The following CR2 variants were observed in gnomAD, a reference collection of about 807,000 sequenced individuals.
CR2 encodes complement C3d receptor 2.
In CR2, 96 loss-of-function variants were observed where a neutral mutation model predicts 123.0. The ratio of observed to expected loss-of-function variants is 0.78; its 90% CI spans 0.66 to 0.93. The LOEUF is 0.93. CR2 is among the 40% of genes least tolerant of loss of function. CR2 has a pLI of 0.00. For synonymous variants in CR2, 484 were observed against 469.5 expected (o/e 1.03, Z -0.40); for missense variants, 1,258 against 1,361.0 (o/e 0.92, Z 1.19).
At chr1:207,473,275 G>T in intron 10 of CR2, 96 bp downstream of exon 10, 1 of 1,425,758 alleles carries the variant, frequency 7.0e-7, no homozygotes. Flanking sequence ...AGAGGCAAGA[G>T]GGGCACAGAT....
At chr1:207,458,059 A>AACACACAC (rs59735642) in intron 1 of CR2, among the ~76,000 whole-genome samples, 8,641 of 122,484 alleles carry the variant, frequency 0.071, 385 homozygotes, top group Middle Eastern at 0.12. Context: ...TCAAGGCCAC[A>AACACACAC]ACACACACAC....
chr1:207,473,622 G>A lies in CR2; in HGVS notation c.2056G>A (p.Val686Ile). The A allele has an allele frequency of 1.2e-6, 2 of 1,614,004 alleles. No individual in the cohort carries two copies. Among genetic ancestry groups the A allele is most frequent in the Non-Finnish European group, 8.5e-7 (1 of 1,179,900 alleles). ...NTVFFVSGMTVDYTCDPGYLL... is the reference protein window; with the variant it reads ...NTVFFVSGMTIDYTCDPGYLL... Reference sequence around the variant, plus strand: ...GGTCTTCTTTGTCTCTGGGATGACTGTAGACTACACTTGTGACCCTGGCTA... The same window carrying A: ...GGTCTTCTTTGTCTCTGGGATGACTATAGACTACACTTGTGACCCTGGCTA... The change falls in exon 11 of 20, where the codon GTA (valine) becomes ATA (isoleucine). Residue 686 changes from valine to isoleucine, a missense_variant. Physicochemically the swap from Val to Ile is conservative, Grantham distance 29. Transcript: ENST00000367057.
At position 207,473,877 on chromosome 1, in the gene CR2, C is replaced by T; in HGVS notation, c.2232C>T (p.Cys744=). The part of the protein sequence containing the change: ...GSRVELVNTS[C]QDGYQLTGHA... ...GTGTGGAGCTAGTTAATACGTCCTG[C>T]CAAGATGGGTGAGTATGAAGTGGTC... Residue 744 remains cysteine, a synonymous_variant, in exon 12 of 20, where the codon TGC becomes TGT. Coordinates refer to ENST00000367057, the MANE Select transcript of CR2 (RefSeq NM_001006658.3). The T allele has an allele frequency of 6.2e-7, 1 of 1,613,686 alleles. No homozygotes were observed. The highest frequency in any genetic ancestry group is 8.5e-7 in the Non-Finnish European group (1 of 1,179,754).
Position 207,471,046 on chromosome 1 carries a change from C to T in CR2, c.1452C>T (p.His484=), listed in dbSNP as rs1483606533. 6.2e-7 allele frequency: 1 copy of T among 1,613,736 alleles called. No individual in the cohort carries two copies. Among genetic ancestry groups the T allele is most frequent in the African/African-American group, 1.3e-5 (1 of 75,006 alleles). ...GGCAACTCTTGACAAAACCCCAGCA[C>T]CAATTTGTTAGACCAGATGTCAACT... is the stretch of plus-strand genomic sequence containing the variant. The part of the protein sequence containing the change: ...TGRQLLTKPQ[H]QFVRPDVNSS... Residue 484 remains histidine, a synonymous_variant, in exon 8 of 20, where the codon CAC becomes CAT. Coordinates refer to ENST00000367057, the MANE Select transcript of CR2 (RefSeq NM_001006658.3).
In CR2 at chr1:207,468,663, C is replaced by A; in HGVS notation, c.582C>A (p.Ile194=). The change falls in exon 3 of 20, where the codon ATC becomes ATA. Residue 194 remains isoleucine (I), a synonymous_variant. Transcript: ENST00000367057. The part of the protein sequence containing the change: ...ESGYLLVGEK[I]INCLSSGKWS... ...GTTACTTGCTTGTTGGAGAAAAGAT[C>A]ATTAACTGTTTGTCTTCGGGAAAAT... is the stretch of plus-strand genomic sequence containing the variant. 1.2e-6 allele frequency: 2 copies of A among 1,614,060 alleles called. 1 individual carries two copies.
intron 9 of CR2, chr1:207,472,016 G>A (rs116421473): frequency 0.016 from 3,072 of 186,598 alleles, 92 homozygotes; most frequent in African/African-American, 0.067. Flanking sequence ...TCAGGAGGCT[G>A]AGGGCGGCAG....
At chr1:207,475,342 C>A in intron 14 of CR2, 126 bp downstream of exon 14, 1 of 1,052,104 alleles carries the variant, frequency 9.5e-7, no homozygotes, top group Non-Finnish European at 1.4e-6. Flanking sequence ...TATTGTTTTA[C>A]AAGATATTTG....
chr1:207,478,000 G>C lies in CR2; in HGVS notation c.3018G>C (p.Leu1006=), dbSNP rs760320098. 2 of 1,614,004 alleles carry C rather than the reference G, an allele frequency of 1.2e-6. No homozygotes were observed. Among genetic ancestry groups the C allele is most frequent in the Non-Finnish European group, 1.7e-6 (2 of 1,179,950 alleles). The change falls in exon 16 of 20, where the codon CTG becomes CTC. Residue 1006 remains leucine, a synonymous_variant. Coordinates refer to ENST00000367057, the MANE Select transcript of CR2 (RefSeq NM_001006658.3). ...VTLECEDGYM[L]EGSPQSQCQS... The stretch of plus-strand genomic sequence containing the variant: ...TGGAGTGTGAAGATGGGTATATGCT[G>C]GAAGGCAGTCCCCAGAGCCAGTGCC...
chr1:207,484,773 G>A (rs1268933619), intron 18 of CR2, among the ~76,000 whole-genome samples: 6 of 152,176 alleles, frequency 3.9e-5, no homozygotes, highest in African/African-American at 1.4e-4. Context: ...TGAAATATGT[G>A]TACTTTCAAA....
At chr1:207,487,665 G>A (rs1572969163) in intron 19 of CR2, among the ~76,000 whole-genome samples, 2 of 152,218 alleles carry the variant, frequency 1.3e-5, no homozygotes, top group Non-Finnish European at 2.9e-5. Context: ...AGAAATAGCA[G>A]TTATGCCCTA....
intron 9 of CR2, 124 bp downstream of exon 9, chr1:207,471,623 A>G (rs961398506): frequency 4.9e-5 from 37 of 758,358 alleles, no homozygotes; most frequent in Admixed American, 1.8e-4. Context: ...GATTCTGCCA[A>G]TAGTTATGGT....
chr1:207,462,887 C>G (rs78909802), intron 1 of CR2, among the ~76,000 whole-genome samples: 1 of 152,186 alleles, frequency 6.6e-6, no homozygotes, highest in Non-Finnish European at 1.5e-5. Flanking sequence ...TAAGTTATAA[C>G]TGACCACAAA....
intron 10 of CR2, 128 bp downstream of exon 10, chr1:207,473,307 T>C: frequency 8.4e-7 from 1 of 1,192,330 alleles, no homozygotes; most frequent in South Asian, 1.3e-5. Flanking sequence ...TCTTCCATCC[T>C]ATAATAGATG....
intron 1 of CR2, among the ~76,000 whole-genome samples, chr1:207,463,404 T>C (rs1003371875): frequency 1.3e-5 from 2 of 152,138 alleles, no homozygotes; most frequent in African/African-American, 2.4e-5. Context: ...TGCTTCAAGA[T>C]TACCAGCTAG....
Position 207,472,826 on chromosome 1 carries a change from C to T in CR2, c.1625C>T (p.Ser542Phe). Residue 542 changes from serine to phenylalanine, a missense_variant, in exon 10 of 20, where the codon TCC becomes TTC. Coordinates refer to ENST00000367057, the MANE Select transcript of CR2 (RefSeq NM_001006658.3). Reference sequence around the variant, plus strand: ...TACAATGGGGCACACACCGGGAGTTCCTTAGAAGATTTTCCATATGGAACC... The same window carrying T: ...TACAATGGGGCACACACCGGGAGTTTCTTAGAAGATTTTCCATATGGAACC... ...VIYNGAHTGSSLEDFPYGTTV... is the reference protein window; with the variant it reads ...VIYNGAHTGSFLEDFPYGTTV... 2 of 1,614,006 alleles carry T rather than the reference C, an allele frequency of 1.2e-6. No homozygotes were observed. Among genetic ancestry groups the T allele is most frequent in the Non-Finnish European group, 1.7e-6 (2 of 1,179,940 alleles).
At chr1:207,481,850 G>A (rs1171796375) in intron 18 of CR2, among the ~76,000 whole-genome samples, 1 of 151,830 alleles carries the variant, frequency 6.6e-6, no homozygotes, top group Non-Finnish European at 1.5e-5. Flanking sequence ...TCTTTATACA[G>A]TCATTAATTC....
chr1:207,482,142 T>C (rs1470336810), intron 18 of CR2, among the ~76,000 whole-genome samples: 2 of 152,308 alleles, frequency 1.3e-5, no homozygotes, highest in East Asian at 3.9e-4. Flanking sequence ...ACATAAAGTG[T>C]ATTTATAGTC....
chr1:207,482,960 GA>G (rs34366644), intron 18 of CR2, among the ~76,000 whole-genome samples: 10,604 of 118,424 alleles, frequency 0.09, 948 homozygotes, highest in East Asian at 0.38. Flanking sequence ...TGCCATTAAA[GA>G]AAAAAAAAAA....
chr1:207,468,978 T>A, intron 4 of CR2, 79 bp downstream of exon 4: 1 of 1,516,438 alleles, frequency 6.6e-7, no homozygotes, highest in Non-Finnish European at 9.1e-7. Context: ...CCTGCAGAAG[T>A]CTCCTCTGTG....
Sources: gnomAD v4.1 joint callset for allele counts (sites outside exome capture counted in the v4.1 genomes callset) on GRCh38, gnomAD v4.1.1 for gene constraint, MANE v1.5 for transcripts, NCBI Gene and HGNC (gene_info 2026-07-23, HGNC 2026-07-21) for gene names.